Variants in VANGL1 observed in about 807,000 individuals in gnomAD.
The protein encoded by VANGL1 is vang-like protein 1.
In VANGL1, 18 loss-of-function variants were observed where a neutral mutation model predicts 48.4. That is an observed-to-expected ratio of 0.37 (90% confidence interval 0.26 to 0.55). The LOEUF is 0.55. Ranked by LOEUF, VANGL1 falls within the 20% of genes least tolerant of loss-of-function variation. VANGL1 has a pLI of 0.81. For synonymous variants in VANGL1, 257 were observed against 261.8 expected (o/e 0.98, Z 0.18); for missense variants, 667 against 675.8 (o/e 0.99, Z 0.14).
chr1:115,670,637 A>G (rs1231162682), intron 4 of VANGL1, among the ~76,000 whole-genome samples: 1 of 152,142 alleles, frequency 6.6e-6, no homozygotes, highest in Non-Finnish European at 1.5e-5. Context: ...CCTCCATCCC[A>G]TGTTCACGAT....
rs1432534578 is a variant in VANGL1 at position 115,681,500 on chromosome 1, GTTGTTTTTT to G, written c.813-852_813-844del. 3.1e-5 allele frequency among the ~76,000 whole-genome samples: 3 copies of G among 96,330 alleles called. 1 individual carries two copies. Among genetic ancestry groups the G allele is most frequent in the African/African-American group, 8.4e-5 (2 of 23,864 alleles). The allele number at this position is 96,330 out of a possible 152,430, so 63.2% of individuals were successfully genotyped here. A position where few individuals can be genotyped will look rare whatever the true frequency, so the allele number is the denominator to read the frequency against. On this transcript the variant is annotated intron_variant, in intron 4 of 7. Coordinates refer to ENST00000355485, the MANE Select transcript of VANGL1 (RefSeq NM_138959.3). The stretch of plus-strand genomic sequence containing the variant: ...TCTCAGCGGAGGCTCTCTTTTTTTT[GTTGTTTTTT>G]TTGTTTTTTTTTTTGAGACTGAATT...
At position 115,691,325 on chromosome 1, in the gene VANGL1, A is replaced by C; in HGVS notation, c.1521A>C (p.Ile507=). 6.2e-7 allele frequency: 1 copy of C among 1,614,192 alleles called. No homozygotes were observed. The highest frequency in any genetic ancestry group is 8.5e-7 in the Non-Finnish European group (1 of 1,180,030). The change falls in exon 8 of 8, where the codon ATA becomes ATC. Residue 507 remains isoleucine (I), a synonymous_variant. Transcript: ENST00000355485. ...IPFIILSEEF[I]DPKSHKFVLR... ...TCATCATACTCTCTGAAGAGTTCAT[A>C]GACCCCAAATCTCACAAATTTGTCC...
chr1:115,677,864 C>G (rs1316651464), intron 4 of VANGL1, among the ~76,000 whole-genome samples: 12 of 152,164 alleles, frequency 7.9e-5, no homozygotes, highest in Non-Finnish European at 5.9e-5. Flanking sequence ...AGTTTCTAAC[C>G]AACTTGATTT....
chr1:115,650,138 T>C (rs553050490), intron 1 of VANGL1, among the ~76,000 whole-genome samples: 1 of 152,272 alleles, frequency 6.6e-6, no homozygotes, highest in South Asian at 2.1e-4. Context: ...CCTCCAGACT[T>C]ATGTGTTGTT....
At chr1:115,679,986 T>A (rs1481177598) in intron 4 of VANGL1, among the ~76,000 whole-genome samples, 6 of 107,718 alleles carry the variant, frequency 5.6e-5, no homozygotes, top group South Asian at 2.8e-4. Flanking sequence ...CACCAGGGAG[T>A]GTGTGTGTGT....
In VANGL1 at chr1:115,672,360, G is replaced by A. The variant is rs111512709; in HGVS notation, c.812+8092G>A. Among the ~76,000 whole-genome samples, 914 of 152,290 alleles carry A rather than the reference G, an allele frequency of 6.0e-3. 9 individuals are homozygous for A. The highest frequency in any genetic ancestry group is 0.02 in the African/African-American group (848 of 41,552). On this transcript the variant is annotated intron_variant, in intron 4 of 7. Coordinates refer to ENST00000355485, the MANE Select transcript of VANGL1 (RefSeq NM_138959.3). ...TACGCTTTCCAGCCTTCCGATATTG[G>A]TTCAAAGAATTTGGCTGCCGAAGCT...
intron 4 of VANGL1, among the ~76,000 whole-genome samples, chr1:115,672,413 C>T (rs976451538): frequency 1.3e-5 from 2 of 152,160 alleles, no homozygotes; most frequent in Non-Finnish European, 1.5e-5. Context: ...CCAGCAGGCC[C>T]GAGGCACGAG....
intron 4 of VANGL1, among the ~76,000 whole-genome samples, chr1:115,667,566 G>A (rs1425817988): frequency 6.6e-6 from 1 of 152,074 alleles, no homozygotes; most frequent in African/African-American, 2.4e-5. Flanking sequence ...CAACCCCCAG[G>A]GTAAGGGACC....
chr1:115,680,309 C>T (rs1020162422), intron 4 of VANGL1, among the ~76,000 whole-genome samples: 2 of 152,190 alleles, frequency 1.3e-5, no homozygotes, highest in Non-Finnish European at 1.5e-5. Flanking sequence ...CGTGGTTACT[C>T]AGCCCCACGT....
intron 1 of VANGL1, chr1:115,642,716 T>G (rs1229160624): frequency 6.6e-6 from 1 of 152,200 alleles, no homozygotes; most frequent in African/African-American, 2.4e-5. Flanking sequence ...GGTAGGAGTT[T>G]ACTTTCAAAA....
chr1:115,648,434 G>A (rs1320016011), intron 1 of VANGL1, among the ~76,000 whole-genome samples: 1 of 152,158 alleles, frequency 6.6e-6, no homozygotes, highest in Non-Finnish European at 1.5e-5. Context: ...ACCAGACTAG[G>A]GTGGTTGGTA....
intron 2 of VANGL1, among the ~76,000 whole-genome samples, chr1:115,659,102 G>C (rs1652450833): frequency 6.6e-6 from 1 of 152,106 alleles, no homozygotes; most frequent in Non-Finnish European, 1.5e-5. Context: ...GTAAGAATGA[G>C]AAGTAAACAA....
rs1557773479 is a variant in VANGL1, at chr1:115,680,028, A to ATGT, written c.813-2336_813-2335insTGT. On this transcript the variant is annotated intron_variant, in intron 4 of 7. Coordinates refer to ENST00000355485, the MANE Select transcript of VANGL1 (RefSeq NM_138959.3). ...GTGTGTGTGTGTGTGTGTGTATGTG[A>ATGT]GAGAGAGAGAGAGAGAGATCAGGGA... is the stretch of plus-strand genomic sequence containing the variant. Among the ~76,000 whole-genome samples, 297 of 132,080 alleles carry ATGT rather than the reference A, an allele frequency of 2.2e-3. 1 individual carries two copies. Among genetic ancestry groups the ATGT allele is most frequent in the African/African-American group, 0.011 (280 of 26,380 alleles). 86.6% of individuals were successfully genotyped at this position (132,080 alleles called of 152,430 possible). A position where few individuals can be genotyped will look rare whatever the true frequency, so the allele number is the denominator to read the frequency against.
At position 115,691,680 on chromosome 1, in the gene VANGL1, G is replaced by C. The variant is rs193075321; in HGVS notation, c.*301G>C. 30 of 330,388 alleles carry C rather than the reference G, an allele frequency of 9.1e-5. No individual in the cohort carries two copies. The East Asian group carries it at 1.9e-3, about 21-fold the overall frequency. 20.5% of individuals were successfully genotyped at this position (330,388 alleles called of 1,614,324 possible). On this transcript the variant is annotated 3_prime_UTR_variant, in exon 8 of 8. Coordinates refer to ENST00000355485, the MANE Select transcript of VANGL1 (RefSeq NM_138959.3). ...GGAGCTGGTGCTTCTTGGGAGCCTC[G>C]CCTTACAACTAATTCCTGCCTTTCG...
chr1:115,663,032 G>A (rs12130617), intron 3 of VANGL1, among the ~76,000 whole-genome samples: 64,417 of 151,950 alleles, frequency 0.42, 13,854 homozygotes, highest in Non-Finnish European at 0.45. Context: ...TGATCCGTCC[G>A]CCTCGGCCTT....
intron 4 of VANGL1, among the ~76,000 whole-genome samples, chr1:115,679,384 C>T (rs944403535): frequency 2.6e-5 from 4 of 152,214 alleles, no homozygotes; most frequent in Non-Finnish European, 4.4e-5. Flanking sequence ...CCACAGTACC[C>T]GCCCCCACCC....
chr1:115,669,360 G>T (rs1363095647), intron 4 of VANGL1, among the ~76,000 whole-genome samples: 2 of 152,102 alleles, frequency 1.3e-5, no homozygotes, highest in African/African-American at 4.8e-5. Context: ...CAAAGTTTTG[G>T]GGTAAAAAAT....
intron 1 of VANGL1, among the ~76,000 whole-genome samples, chr1:115,649,784 C>T (rs1652077921): frequency 6.6e-6 from 1 of 152,162 alleles, no homozygotes; most frequent in South Asian, 2.1e-4. Context: ...TTCAGATCTA[C>T]CTGTGAGGTC....
chr1:115,654,681 C>T (rs1652279613), intron 2 of VANGL1, among the ~76,000 whole-genome samples: 1 of 152,106 alleles, frequency 6.6e-6, no homozygotes, highest in Non-Finnish European at 1.5e-5. Context: ...CCAGCAGCAC[C>T]TGCCCCGAGC....
Sources: allele counts gnomAD v4.1 joint callset (sites outside exome capture counted in the v4.1 genomes callset), GRCh38; gene constraint gnomAD v4.1.1; transcripts MANE v1.5; gene names NCBI Gene and HGNC (gene_info 2026-07-23, HGNC 2026-07-21).